The following EYS variants were observed in gnomAD, a reference collection of about 807,000 sequenced individuals.
EYS encodes the protein protein eyes shut homolog.
EYS carries 250 observed loss-of-function variants against 282.1 expected under a neutral mutation model. That is an observed-to-expected ratio of 0.89 (90% CI 0.80 to 0.98). The LOEUF (loss-of-function observed/expected upper bound fraction) is 0.98. EYS is among the 50% of genes least tolerant of loss of function. The pLI, the probability that EYS is intolerant of heterozygous loss-of-function variation, is 0.00. For missense variants in EYS, 4,016 were observed against 3,709.0 expected, an observed-to-expected ratio of 1.08 and a Z score of -2.15; for synonymous variants, 1,355 against 1,282.9, an observed-to-expected ratio of 1.06 and a Z score of -1.20.
At chr6:65,054,025 A>C (rs1387325417) in intron 13 of EYS, among the ~76,000 whole-genome samples, 1 of 152,010 alleles carries the variant, frequency 6.6e-6, no homozygotes, top group African/African-American at 2.4e-5. Flanking sequence ...AAGTTTTACA[A>C]ATAGAAATTA....
chr6:65,461,680 T>A lies in EYS; in HGVS notation c.862+28914A>T, dbSNP rs539429298. Among the ~76,000 whole-genome samples the A allele has an allele frequency of 3.9e-4, 59 of 152,200 alleles. 1 individual carries two copies. Among genetic ancestry groups the A allele is most frequent in the Non-Finnish European group, 6.6e-4 (45 of 67,990 alleles). On this transcript the variant is annotated intron_variant, in intron 5 of 42. Coordinates refer to ENST00000503581, the MANE Select transcript of EYS (RefSeq NM_001142800.2). ...CAAGTTTTAAGCATACCTTCTTAAG[T>A]TTTAAGGGCACTGAATAAATTTTAA...
chr6:63,875,617 G>T (rs1262264219), intron 35 of EYS, among the ~76,000 whole-genome samples: 1 of 152,066 alleles, frequency 6.6e-6, no homozygotes, highest in African/African-American at 2.4e-5. Flanking sequence ...TTTTTGGGTT[G>T]GTAGGCTGTT....
chr6:64,812,133 T>C (rs1764614938), intron 22 of EYS, among the ~76,000 whole-genome samples: 1 of 152,004 alleles, frequency 6.6e-6, no homozygotes, highest in East Asian at 1.9e-4. Flanking sequence ...TTTTATATAA[T>C]TTCCATTTGT....
intron 16 of EYS, among the ~76,000 whole-genome samples, chr6:64,906,787 C>G (rs116456048): frequency 3.7e-4 from 56 of 152,162 alleles, no homozygotes; most frequent in African/African-American, 1.3e-3. Context: ...AAGCTCTTTA[C>G]ATTAAATTAA....
At chr6:65,335,249 A>T in intron 10 of EYS, 103 bp from the exon 11 acceptor site, 1 of 835,730 alleles carries the variant, frequency 1.2e-6, no homozygotes, top group Middle Eastern at 2.4e-4. Flanking sequence ...CTGTCTACTA[A>T]GATGAAACCT....
chr6:65,346,912 C>T (rs1405286609), intron 9 of EYS, among the ~76,000 whole-genome samples: 1 of 151,816 alleles, frequency 6.6e-6, no homozygotes, highest in East Asian at 1.9e-4. Flanking sequence ...CTTTCTTTCA[C>T]CTTATCATGT....
chr6:64,740,159 A>C (rs1746363866), intron 22 of EYS, among the ~76,000 whole-genome samples: 1 of 152,126 alleles, frequency 6.6e-6, no homozygotes, highest in Non-Finnish European at 1.5e-5. Flanking sequence ...TCTCCTCCTC[A>C]TCAGAACCCC....
At chr6:65,044,899 A>G (rs529863754) in intron 13 of EYS, among the ~76,000 whole-genome samples, 139 of 151,940 alleles carry the variant, frequency 9.1e-4, no homozygotes, top group African/African-American at 3.1e-3. Context: ...TGACTCTTCT[A>G]CACTTAAAAT....
At chr6:64,557,567 T>C (rs528152348) in intron 26 of EYS, among the ~76,000 whole-genome samples, 7 of 152,152 alleles carry the variant, frequency 4.6e-5, no homozygotes, top group African/African-American at 1.7e-4. Flanking sequence ...ATTCTAGAAA[T>C]ATATTTTTAA....
intron 12 of EYS, among the ~76,000 whole-genome samples, chr6:65,275,833 G>A (rs1490344783): frequency 2.0e-5 from 3 of 151,974 alleles, no homozygotes; most frequent in Non-Finnish European, 2.9e-5. Context: ...TCACAGAAGG[G>A]GCATCATTTT....
chr6:64,031,698 G>A (rs141982054), intron 33 of EYS, among the ~76,000 whole-genome samples: 1,560 of 152,298 alleles, frequency 0.01, 18 homozygotes, highest in East Asian at 0.036. Flanking sequence ...TTGACACTCT[G>A]TTATCTAGCT....
intron 29 of EYS, among the ~76,000 whole-genome samples, chr6:64,335,634 C>A (rs1418645263): frequency 1.3e-5 from 2 of 152,048 alleles, no homozygotes; most frequent in Non-Finnish European, 2.9e-5. Flanking sequence ...TTCTCCCGAA[C>A]CTTTTTCAGT....
chr6:65,046,097 T>C (rs1276324148), intron 13 of EYS, among the ~76,000 whole-genome samples: 1 of 151,936 alleles, frequency 6.6e-6, no homozygotes, highest in East Asian at 1.9e-4. Flanking sequence ...TGGTTATTCA[T>C]TGACACAAAG....
chr6:65,513,827 C>A (rs140773893), intron 2 of EYS, among the ~76,000 whole-genome samples: 4 of 151,618 alleles, frequency 2.6e-5, no homozygotes, highest in Admixed American at 6.6e-5. Context: ...AACCCACAGC[C>A]GACATCATAC....
At chr6:65,316,913 T>C (rs980338030) in intron 11 of EYS, among the ~76,000 whole-genome samples, 1 of 152,192 alleles carries the variant, frequency 6.6e-6, no homozygotes, top group Non-Finnish European at 1.5e-5. Flanking sequence ...AAGTCTTTGC[T>C]ATTGTGAACA....
intron 1 of EYS, among the ~76,000 whole-genome samples, chr6:65,662,150 A>C (rs1240645848): frequency 6.6e-6 from 1 of 152,178 alleles, no homozygotes; most frequent in African/African-American, 2.4e-5. Flanking sequence ...GCAAAAGTAA[A>C]TAAATTATTT....
chr6:64,271,423 T>C (rs1312939791), intron 30 of EYS, among the ~76,000 whole-genome samples: 2 of 152,196 alleles, frequency 1.3e-5, no homozygotes, highest in African/African-American at 4.8e-5. Context: ...TTTTTCAATA[T>C]GCTTTAAAAG....
intron 12 of EYS, among the ~76,000 whole-genome samples, chr6:65,280,099 T>C (rs915496600): frequency 1.3e-5 from 2 of 152,170 alleles, no homozygotes; most frequent in South Asian, 4.1e-4. Flanking sequence ...TTTATATTAT[T>C]TCTGCTCTTC....
chr6:64,499,201 T>C (rs1027090617), intron 26 of EYS, among the ~76,000 whole-genome samples: 3 of 152,174 alleles, frequency 2.0e-5, no homozygotes, highest in African/African-American at 4.8e-5. Flanking sequence ...AAAATAAGCA[T>C]AGAAGATAAG....
Sources: gnomAD v4.1 joint callset for allele counts (sites outside exome capture counted in the v4.1 genomes callset) on GRCh38, gnomAD v4.1.1 for gene constraint, MANE v1.5 for transcripts, NCBI Gene and HGNC (gene_info 2026-07-23, HGNC 2026-07-21) for gene names.